Variants in GRID2 observed in about 807,000 individuals in gnomAD.
GRID2 encodes the protein glutamate receptor ionotropic, delta-2.
Under a neutral mutation model 114.8 loss-of-function variants are expected in GRID2, and 33 were observed. The ratio of observed to expected loss-of-function variants is 0.29; its 90% CI spans 0.22 to 0.38. The LOEUF (loss-of-function observed/expected upper bound fraction) is 0.38. Among genes scored for constraint, GRID2 ranks in the 10% least tolerant of loss-of-function variants. GRID2 has a pLI of 1.00. For synonymous variants in GRID2, 505 were observed against 449.9 expected, an observed-to-expected ratio of 1.12 and a Z score of -1.55; for missense variants, 1,184 against 1,257.7, an observed-to-expected ratio of 0.94 and a Z score of 0.89.
At chr4:93,030,135 T>G (rs2149256389) in intron 2 of GRID2, among the ~76,000 whole-genome samples, 1 of 152,338 alleles carries the variant, frequency 6.6e-6, no homozygotes, top group South Asian at 2.1e-4. Context: ...CATTTTAAGC[T>G]GTGCCCCAGT....
chr4:92,868,012 A>G (rs1302115977), intron 2 of GRID2, among the ~76,000 whole-genome samples: 1 of 147,920 alleles, frequency 6.8e-6, no homozygotes, highest in Non-Finnish European at 1.5e-5. Flanking sequence ...ATGATACTGA[A>G]AGGTTTTCTT....
chr4:92,629,601 G>T (rs1417487148), intron 2 of GRID2, among the ~76,000 whole-genome samples: 1 of 151,998 alleles, frequency 6.6e-6, no homozygotes, highest in African/African-American at 2.4e-5. Context: ...CAGAAAACGT[G>T]TTAAGGGTTT....
chr4:92,901,983 T>A (rs1028502474), intron 2 of GRID2, among the ~76,000 whole-genome samples: 19 of 152,070 alleles, frequency 1.2e-4, no homozygotes, highest in African/African-American at 4.6e-4. Context: ...CAAGTATGAA[T>A]CCATCTGTTC....
rs190545329 is a variant in GRID2 at position 93,429,391 on chromosome 4, A to G, written c.1545+6423A>G. On this transcript the variant is annotated intron_variant, in intron 10 of 15. Coordinates refer to ENST00000282020, the MANE Select transcript of GRID2 (RefSeq NM_001510.4). Reference sequence around the variant, plus strand: ...AAATGATTGCAAAATTAATATGTCAATTATAAATGTAGAAAGATACATACT... The same window carrying G: ...AAATGATTGCAAAATTAATATGTCAGTTATAAATGTAGAAAGATACATACT... 1.5e-3 allele frequency among the ~76,000 whole-genome samples: 234 copies of G among 152,350 alleles called. 1 individual carries two copies. Among genetic ancestry groups the G allele is most frequent in the African/African-American group, 5.4e-3 (225 of 41,580 alleles).
chr4:92,634,129 CAAAA>C (rs1730948068), intron 2 of GRID2, among the ~76,000 whole-genome samples: 1 of 145,300 alleles, frequency 6.9e-6, no homozygotes, highest in African/African-American at 2.5e-5. Context: ...AAAAAAACAA[CAAAA>C]AACAAAACTC....
intron 2 of GRID2, among the ~76,000 whole-genome samples, chr4:92,942,929 C>G (rs190951492): frequency 2.6e-5 from 4 of 152,114 alleles, no homozygotes; most frequent in Admixed American, 2.0e-4. Context: ...GAGTTTCTGC[C>G]GAGAGATCTG....
chr4:93,707,820 G>A (rs1728140535), intron 14 of GRID2, among the ~76,000 whole-genome samples: 3 of 151,454 alleles, frequency 2.0e-5, no homozygotes, highest in South Asian at 4.2e-4. Flanking sequence ...TTATTTAGGT[G>A]CTTATTGCTG....
intron 2 of GRID2, among the ~76,000 whole-genome samples, chr4:92,704,723 T>TCTCTCTCTCTCTCTCTCTCTC (rs1734861937): frequency 2.2e-5 from 2 of 90,094 alleles, no homozygotes; most frequent in South Asian, 4.4e-4. Flanking sequence ...CTCTCTCTCT[T>TCTCTCTCTCTCTCTCTCTCTC]TCTCTCTCTC....
chr4:92,859,654 C>T (rs927060509), intron 2 of GRID2, among the ~76,000 whole-genome samples: 1 of 152,038 alleles, frequency 6.6e-6, no homozygotes, highest in Admixed American at 6.6e-5. Flanking sequence ...GACAATCATA[C>T]ACAAATAAGT....
chr4:93,057,170 G>C (rs998613622), intron 2 of GRID2, among the ~76,000 whole-genome samples: 41 of 151,640 alleles, frequency 2.7e-4, no homozygotes, highest in African/African-American at 8.5e-4. Context: ...GTCTGTGTGT[G>C]TGTGTGTGTG....
At chr4:92,893,984 T>G (rs141088920) in intron 2 of GRID2, among the ~76,000 whole-genome samples, 1,538 of 152,236 alleles carry the variant, frequency 0.01, 11 homozygotes, top group Non-Finnish European at 0.017. Context: ...CAGTAAACTT[T>G]TAAATTTGAT....
chr4:92,633,720 A>G (rs1325765202), intron 2 of GRID2, among the ~76,000 whole-genome samples: 1 of 152,184 alleles, frequency 6.6e-6, no homozygotes, highest in African/African-American at 2.4e-5. Flanking sequence ...GGACCAGAAT[A>G]TCCATAGATT....
intron 8 of GRID2, among the ~76,000 whole-genome samples, chr4:93,291,112 C>A (rs1015664623): frequency 1.2e-4 from 18 of 151,426 alleles, no homozygotes; most frequent in African/African-American, 4.4e-4. Context: ...ATCCTGGCCT[C>A]TTGATCCGCC....
At chr4:93,340,806 A>T (rs1349050810) in intron 8 of GRID2, among the ~76,000 whole-genome samples, 2 of 152,132 alleles carry the variant, frequency 1.3e-5, no homozygotes, top group African/African-American at 4.8e-5. Context: ...TTTGGAGGGA[A>T]AATTGAATGG....
intron 13 of GRID2, among the ~76,000 whole-genome samples, chr4:93,602,909 A>G (rs1304605937): frequency 6.6e-6 from 1 of 152,210 alleles, no homozygotes. Flanking sequence ...GAATGCATGA[A>G]TGATAAGACA....
chr4:92,965,835 T>C (rs1336134005), intron 2 of GRID2, among the ~76,000 whole-genome samples: 1 of 151,958 alleles, frequency 6.6e-6, no homozygotes, highest in African/African-American at 2.4e-5. Flanking sequence ...TTTTCTCTTA[T>C]TCTGATTTGC....
At chr4:93,715,943 T>A (rs1414326749) in intron 14 of GRID2, among the ~76,000 whole-genome samples, 1 of 152,186 alleles carries the variant, frequency 6.6e-6, no homozygotes, top group African/African-American at 2.4e-5. Flanking sequence ...CTAATTGCCC[T>A]GGCCAGAACT....
chr4:92,889,462 T>C (rs1340571073), intron 2 of GRID2, among the ~76,000 whole-genome samples: 2 of 152,114 alleles, frequency 1.3e-5, no homozygotes, highest in Non-Finnish European at 2.9e-5. Context: ...TCACAGGCAT[T>C]CCTGTACACC....
chr4:92,975,477 A>C (rs1753815645), intron 2 of GRID2, among the ~76,000 whole-genome samples: 1 of 152,098 alleles, frequency 6.6e-6, no homozygotes, highest in African/African-American at 2.4e-5. Flanking sequence ...TATATGTATC[A>C]GTACTTATCA....
Sources: allele counts gnomAD v4.1 joint callset (sites outside exome capture counted in the v4.1 genomes callset), GRCh38; gene constraint gnomAD v4.1.1; transcripts MANE v1.5; gene names NCBI Gene and HGNC (gene_info 2026-07-23, HGNC 2026-07-21).